Variants in ZFHX3 observed in about 807,000 individuals in gnomAD.
ZFHX3 encodes zinc finger homeobox 3, also known as zinc finger homeobox protein 3.
In ZFHX3, 42 loss-of-function variants were observed where a neutral mutation model predicts 279.1. The ratio of observed to expected loss-of-function variants is 0.15; its 90% CI spans 0.12 to 0.19. The LOEUF is 0.19. Ranked by LOEUF, ZFHX3 falls within the 10% of genes least tolerant of loss-of-function variation. The probability of loss-of-function intolerance (pLI) is 1.00; values close to 1 mark genes in which losing one functional copy is unlikely to be tolerated. For missense variants in ZFHX3, 4,981 were observed against 4,754.0 expected, an observed-to-expected ratio of 1.05 and a Z score of -1.40; for synonymous variants, 2,293 against 1,957.8, an observed-to-expected ratio of 1.17 and a Z score of -4.52.
At chr16:73,714,285 G>C (rs764599086) in intron 1 of ZFHX3, among the ~76,000 whole-genome samples, 8 of 151,882 alleles carry the variant, frequency 5.3e-5, no homozygotes, top group Non-Finnish European at 1.0e-4. Flanking sequence ...GCAATTGTTC[G>C]CTCTCCCCCA....
chr16:73,284,334 AAAAAAG>A (rs2014538193), intron 4 of ZFHX3, among the ~76,000 whole-genome samples: 1 of 151,506 alleles, frequency 6.6e-6, no homozygotes, highest in Non-Finnish European at 1.5e-5. Context: ...AAAAAAAAAA[AAAAAAG>A]AAGGAAAATA....
chr16:73,623,083 C>A (rs12927989), intron 2 of ZFHX3, among the ~76,000 whole-genome samples: 2 of 151,830 alleles, frequency 1.3e-5, no homozygotes, highest in African/African-American at 2.4e-5. Context: ...TTCGCCCAGG[C>A]CGAACTGCAG....
rs187032377 is a variant in ZFHX3, at chr16:72,828,184, G to A, written c.3529+1595C>T. On this transcript the variant is annotated intron_variant, in intron 5 of 9. Transcript: ENST00000268489. ...CCTGGAAAAGTAACAAAGGCCCAAC[G>A]AATACGGACTCCAGAAAGTAAACAT... 6.5e-4 allele frequency among the ~76,000 whole-genome samples: 99 copies of A among 152,218 alleles called. 1 individual carries two copies. The Middle Eastern group carries it at 0.01, about 16-fold the overall frequency.
At chr16:73,575,997 CCTT>C (rs1341638975) in intron 2 of ZFHX3, among the ~76,000 whole-genome samples, 1 of 152,164 alleles carries the variant, frequency 6.6e-6, no homozygotes, top group Non-Finnish European at 1.5e-5. Context: ...CCGTCTTTCT[CCTT>C]CATCCATTTT....
chr16:73,002,894 G>A (rs1963552558), intron 1 of ZFHX3, among the ~76,000 whole-genome samples: 1 of 152,140 alleles, frequency 6.6e-6, no homozygotes, highest in Non-Finnish European at 1.5e-5. Flanking sequence ...TCACTATGCG[G>A]AGCTCAGAAA....
chr16:72,878,849 G>A (rs1290238672), intron 4 of ZFHX3, among the ~76,000 whole-genome samples: 3 of 152,206 alleles, frequency 2.0e-5, no homozygotes, highest in Non-Finnish European at 4.4e-5. Flanking sequence ...GGAAGGAAAT[G>A]GCTTCTGTCT....
At chr16:73,276,659 G>A (rs567082288) in intron 4 of ZFHX3, among the ~76,000 whole-genome samples, 1 of 152,246 alleles carries the variant, frequency 6.6e-6, no homozygotes, top group South Asian at 2.1e-4. Flanking sequence ...CCTATATAGA[G>A]TGAAATGGTG....
chr16:73,810,670 A>C (rs962296695), intron 1 of ZFHX3, among the ~76,000 whole-genome samples: 1 of 152,200 alleles, frequency 6.6e-6, no homozygotes, highest in African/African-American at 2.4e-5. Context: ...AAAGAGATTA[A>C]AAGACTTAGC....
intron 3 of ZFHX3, among the ~76,000 whole-genome samples, chr16:73,335,297 A>C (rs1486581464): frequency 1.3e-5 from 2 of 152,178 alleles, no homozygotes; most frequent in Non-Finnish European, 2.9e-5. Context: ...CGATTTTTCC[A>C]GAAATTTTAC....
At chr16:73,503,316 A>G (rs1302834715) in intron 2 of ZFHX3, among the ~76,000 whole-genome samples, 1 of 152,208 alleles carries the variant, frequency 6.6e-6, no homozygotes, top group Non-Finnish European at 1.5e-5. Flanking sequence ...ATCCTCAGGT[A>G]TCTGTCTCCG....
chr16:72,946,421 G>A (rs1960679487), intron 3 of ZFHX3, among the ~76,000 whole-genome samples: 1 of 152,202 alleles, frequency 6.6e-6, no homozygotes, highest in Non-Finnish European at 1.5e-5. Flanking sequence ...ACCGTTTTGA[G>A]TAACAGATTC....
At chr16:73,223,513 A>G (rs1329448354) in intron 5 of ZFHX3, among the ~76,000 whole-genome samples, 2 of 152,186 alleles carry the variant, frequency 1.3e-5, no homozygotes, top group Admixed American at 6.5e-5. Flanking sequence ...TTACACACCA[A>G]TTAGAATGGC....
At chr16:73,590,110 G>A (rs929744840) in intron 2 of ZFHX3, among the ~76,000 whole-genome samples, 13 of 152,138 alleles carry the variant, frequency 8.5e-5, no homozygotes, top group Non-Finnish European at 1.6e-4. Context: ...TTTTGGGCAT[G>A]GGAAAAGGAC....
intron 7 of ZFHX3, among the ~76,000 whole-genome samples, chr16:73,108,991 C>A (rs1322245276): frequency 3.1e-5 from 3 of 98,232 alleles, no homozygotes; most frequent in Non-Finnish European, 6.1e-5. Context: ...AGCTGATAGG[C>A]ACTGGTTGGG....
rs560214703 is a variant in ZFHX3 at position 73,437,196 on chromosome 16, C to T, written c.-1291+18807G>A. Among the ~76,000 whole-genome samples the T allele has an allele frequency of 4.6e-5, 7 of 152,186 alleles. No homozygotes were observed. The South Asian group carries it at 1.0e-3, about 23-fold the overall frequency. ...AAGGCAAAAACCGCAATTGCTTTTG[C>T]ACCAACCTAATACCGTATTTTGCAG... On this transcript the variant is annotated intron_variant, in intron 3 of 17. Coordinates refer to the ZFHX3 transcript ENST00000641206.
At chr16:72,845,802 C>T (rs1294625317) in intron 4 of ZFHX3, among the ~76,000 whole-genome samples, 4 of 152,166 alleles carry the variant, frequency 2.6e-5, no homozygotes, top group African/African-American at 7.2e-5. Context: ...AAGTATCTAA[C>T]AATAGCAACA....
intron 1 of ZFHX3, among the ~76,000 whole-genome samples, chr16:73,811,438 CTTTTTTTTTTTTTT>C (rs34134056): frequency 9.4e-6 from 1 of 106,568 alleles, no homozygotes; most frequent in Admixed American, 1.0e-4. Context: ...TCAGTCTCTT[CTTTTTTTTTTTTTT>C]TTTTTTTTTG....
rs959446707 is a variant in ZFHX3, at chr16:72,832,437, C to T, written c.3449-2578G>A. ...GCAGAAAATGAAGGCAGCTGAGTTC[C>T]GATGAGAGGATCAACGAAAGAGGTT... On this transcript the variant is annotated intron_variant, in intron 4 of 9. Transcript: ENST00000268489. 4.1e-4 allele frequency among the ~76,000 whole-genome samples: 62 copies of T among 152,014 alleles called. 1 individual carries two copies. Among genetic ancestry groups the T allele is most frequent in the Admixed American group, 3.9e-3 (59 of 15,262 alleles).
intron 1 of ZFHX3, among the ~76,000 whole-genome samples, chr16:72,970,513 T>G (rs888137288): frequency 6.6e-6 from 1 of 152,104 alleles, no homozygotes; most frequent in African/African-American, 2.4e-5. Context: ...TTAATTACCA[T>G]AGAGCACGGA....
Sources: allele counts gnomAD v4.1 joint callset (sites outside exome capture counted in the v4.1 genomes callset), GRCh38; gene constraint gnomAD v4.1.1; transcripts MANE v1.5; gene names NCBI Gene and HGNC (gene_info 2026-07-23, HGNC 2026-07-21).